Variants in GAS7 observed in about 807,000 individuals in gnomAD.
GAS7 encodes growth arrest specific 7, also known as growth arrest-specific protein 7.
GAS7 carries 28 observed loss-of-function variants against 71.1 expected under a neutral mutation model. The ratio of observed to expected loss-of-function variants is 0.39; its 90% confidence interval spans 0.29 to 0.54. The LOEUF (loss-of-function observed/expected upper bound fraction) is 0.54, where lower values mean the gene tolerates loss of function less well. GAS7 is among the 20% of genes least tolerant of loss of function. The probability of loss-of-function intolerance (pLI) is 0.62; values close to 1 mark genes in which losing one functional copy is unlikely to be tolerated. For synonymous variants in GAS7, 258 were observed against 245.8 expected (o/e 1.05, Z -0.46); for missense variants, 436 against 627.8 (o/e 0.69, Z 3.27).
intron 1 of GAS7, among the ~76,000 whole-genome samples, chr17:10,144,007 G>A (rs2074103240): frequency 6.6e-6 from 1 of 152,206 alleles, no homozygotes; most frequent in Non-Finnish European, 1.5e-5. Context: ...CTGTTGGCAG[G>A]AAGAGCTAAG....
At chr17:9,920,589 A>G (rs1421565639) in intron 11 of GAS7, among the ~76,000 whole-genome samples, 1 of 152,210 alleles carries the variant, frequency 6.6e-6, no homozygotes, top group Non-Finnish European at 1.5e-5. Context: ...GTCGGCTAGA[A>G]ATTCAGAAAC....
intron 1 of GAS7, among the ~76,000 whole-genome samples, chr17:10,091,760 C>T (rs1006510444): frequency 6.6e-6 from 1 of 152,092 alleles, no homozygotes; most frequent in Non-Finnish European, 1.5e-5. Flanking sequence ...CGGCTCACTG[C>T]AGCCGCGACC....
intron 2 of GAS7, among the ~76,000 whole-genome samples, chr17:10,000,544 G>A (rs1215738531): frequency 6.6e-6 from 1 of 152,172 alleles, no homozygotes; most frequent in Non-Finnish European, 1.5e-5. Context: ...GAAAAGAAGA[G>A]TGAACGCAAC....
intron 1 of GAS7, among the ~76,000 whole-genome samples, chr17:10,192,229 A>T (rs907335820): frequency 3.9e-5 from 6 of 152,212 alleles, no homozygotes; most frequent in African/African-American, 1.4e-4. Context: ...ACCACCCCAG[A>T]AGCCTCGCCA....
chr17:10,120,941 G>A (rs763961114), intron 1 of GAS7, among the ~76,000 whole-genome samples: 1 of 152,216 alleles, frequency 6.6e-6, no homozygotes, highest in African/African-American at 2.4e-5. Context: ...TGAAAGCAAA[G>A]GCCCACTGGA....
At chr17:9,975,537 CCCT>C (rs74470929) in intron 3 of GAS7, among the ~76,000 whole-genome samples, 1 of 151,346 alleles carries the variant, frequency 6.6e-6, no homozygotes, top group Non-Finnish European at 1.5e-5. Flanking sequence ...TCTCACCCCC[CCCT>C]TTTTCCTTCC....
chr17:10,105,144 T>C (rs1326581202), intron 1 of GAS7, among the ~76,000 whole-genome samples: 1 of 152,076 alleles, frequency 6.6e-6, no homozygotes, highest in African/African-American at 2.4e-5. Flanking sequence ...TTAAATTAAT[T>C]GAAACTCAAA....
intron 1 of GAS7, among the ~76,000 whole-genome samples, chr17:10,154,978 A>G (rs977337905): frequency 4.0e-5 from 6 of 150,710 alleles, no homozygotes; most frequent in African/African-American, 1.5e-4. Context: ...CACAGTCTGC[A>G]TGGGAACCTC....
Position 10,034,049 on chromosome 17 carries a change from G to C in GAS7, c.184-14152C>G. 1.2e-6 allele frequency: 1 copy of C among 855,448 alleles called. No individual in the cohort carries two copies. The highest frequency in any genetic ancestry group is 1.4e-6 in the Non-Finnish European group (1 of 711,336). 53.0% of individuals were successfully genotyped at this position (855,448 alleles called of 1,614,324 possible). ...AACATTTCTGGAGCTGCTGCCGCTG[G>C]CACATATAAAGTAGGCAAATGGTGA... is the stretch of plus-strand genomic sequence containing the variant. On this transcript the variant is annotated intron_variant, in intron 1 of 13. Coordinates refer to ENST00000432992, the MANE Select transcript of GAS7 (RefSeq NM_201433.2). This position sits in a 1 kb window ranked among gnomAD's most constrained non-coding sequence, Gnocchi z 4.4.
In GAS7 at chr17:9,959,099, T is replaced by G. The variant is rs937853868; in HGVS notation, c.525+103A>C. On this transcript the variant is annotated intron_variant, in intron 5 of 13. Transcript: ENST00000432992. The surrounding 1 kb of genome is among the most constrained non-coding windows in gnomAD (Gnocchi z 5.0). ...CTTTGGAACTTCCCCGTTTCCAGGT[T>G]GGGCATCACTTCTGCTTGGCGGTCC... 5.7e-6 allele frequency: 8 copies of G among 1,395,434 alleles called. No homozygotes were observed. The highest frequency in any genetic ancestry group is 6.7e-6 in the Non-Finnish European group (7 of 1,039,978). 86.4% of individuals were successfully genotyped at this position (1,395,434 alleles called of 1,614,324 possible).
At chr17:10,164,171 G>A (rs985030308) in intron 1 of GAS7, among the ~76,000 whole-genome samples, 7 of 152,046 alleles carry the variant, frequency 4.6e-5, no homozygotes, top group South Asian at 2.1e-4. Context: ...GACTGGGCGC[G>A]GTGGCTCACG....
At position 10,098,687 on chromosome 17, in the gene GAS7, C is replaced by T. The variant is rs982754169; in HGVS notation, c.184-78790G>A. On this transcript the variant is annotated intron_variant, in intron 1 of 13. Coordinates refer to ENST00000432992, the MANE Select transcript of GAS7 (RefSeq NM_201433.2). ...CACAGATAAAACAGGTGGCCGGGCG[C>T]GGTGGCTGATGCCTGTAATCCCAGC... is the stretch of plus-strand genomic sequence containing the variant. Among the ~76,000 whole-genome samples, 8 of 152,200 alleles carry T rather than the reference C, an allele frequency of 5.3e-5. No homozygotes were observed. In the South Asian group the frequency reaches 6.2e-4, roughly 12 times the overall value.
rs192991438 is a variant in GAS7, at chr17:9,948,994, C to A, written c.526-2011G>T. Among the ~76,000 whole-genome samples the A allele has an allele frequency of 2.0e-5, 3 of 152,318 alleles. No homozygotes were observed. In the East Asian group the frequency reaches 5.8e-4, roughly 29 times the overall value. On this transcript the variant is annotated intron_variant, in intron 5 of 13. Coordinates refer to ENST00000432992, the MANE Select transcript of GAS7 (RefSeq NM_201433.2). Reference sequence around the variant, plus strand: ...AATGATGCAGCCCTGAGGTTTTGGGCCCAGGACACAAACTCCAATGCTAGG... The same window carrying A: ...AATGATGCAGCCCTGAGGTTTTGGGACCAGGACACAAACTCCAATGCTAGG...
intron 1 of GAS7, among the ~76,000 whole-genome samples, chr17:10,186,719 A>T (rs928739199): frequency 1.2e-4 from 19 of 152,122 alleles, no homozygotes; most frequent in Non-Finnish European, 2.5e-4. Flanking sequence ...AGCCTTCTTT[A>T]TAATATGAAA....
Position 10,026,156 on chromosome 17 carries a change from C to T in GAS7, c.184-6259G>A. ...GAGAACACCTGACTCTTACCTTATCCTAAAGCCGTGAGCAAACGCTACTCG... is the reference window on the plus strand; with the variant it reads ...GAGAACACCTGACTCTTACCTTATCTTAAAGCCGTGAGCAAACGCTACTCG... On this transcript the variant is annotated intron_variant, in intron 1 of 13. Coordinates refer to ENST00000432992, the MANE Select transcript of GAS7 (RefSeq NM_201433.2). This position sits in a 1 kb window ranked among gnomAD's most constrained non-coding sequence, Gnocchi z 4.5. 1.0e-6 allele frequency: 1 copy of T among 985,234 alleles called. No homozygotes were observed. Among genetic ancestry groups the T allele is most frequent in the Non-Finnish European group, 1.2e-6 (1 of 829,868 alleles). 61.0% of individuals were successfully genotyped at this position (985,234 alleles called of 1,614,324 possible). A position where few individuals can be genotyped will look rare whatever the true frequency, so the allele number is the denominator to read the frequency against.
intron 8 of GAS7, among the ~76,000 whole-genome samples, chr17:9,934,860 C>T (rs1434780266): frequency 7.9e-5 from 12 of 152,174 alleles, no homozygotes; most frequent in Admixed American, 2.0e-4. Flanking sequence ...CTCAGCCTCC[C>T]GAGTAGCTGG....
chr17:10,175,501 G>C (rs192632305), intron 1 of GAS7, among the ~76,000 whole-genome samples: 1 of 152,086 alleles, frequency 6.6e-6, no homozygotes, highest in Non-Finnish European at 1.5e-5. Flanking sequence ...GTCTTCACAC[G>C]GTTTTCCCTC....
At chr17:10,184,607 G>C (rs8070816) in intron 1 of GAS7, among the ~76,000 whole-genome samples, 1 of 152,104 alleles carries the variant, frequency 6.6e-6, no homozygotes, top group Non-Finnish European at 1.5e-5. Context: ...GGGAGCTGGC[G>C]GGAAATGCAG....
intron 3 of GAS7, among the ~76,000 whole-genome samples, chr17:9,970,466 C>G (rs563373889): frequency 4.0e-5 from 6 of 151,850 alleles, no homozygotes; most frequent in African/African-American, 1.5e-4. Flanking sequence ...CCTGTCTCTA[C>G]TAAAAATACA....
Sources: allele counts gnomAD v4.1 joint callset (sites outside exome capture counted in the v4.1 genomes callset), GRCh38; gene constraint gnomAD v4.1.1; non-coding constraint Gnocchi (gnomAD v3.1); transcripts MANE v1.5; gene names NCBI Gene and HGNC (gene_info 2026-07-23, HGNC 2026-07-21).